The following PRKN variants were observed in gnomAD, a reference collection of about 807,000 sequenced individuals.
PRKN encodes E3 ubiquitin-protein ligase parkin.
Under a neutral mutation model 59.5 loss-of-function variants are expected in PRKN, and 56 were observed. The ratio of observed to expected loss-of-function variants is 0.94; its 90% confidence interval spans 0.76 to 1.18. PRKN has a LOEUF of 1.18. Ranked by LOEUF, PRKN falls within the 50% of genes most tolerant of loss-of-function variation. The pLI is 0.00. For synonymous variants in PRKN, 250 were observed against 222.1 expected (o/e 1.13, Z -1.12); for missense variants, 657 against 596.4 (o/e 1.10, Z -1.06).
chr6:162,497,223 T>G (rs969545448), intron 1 of PRKN, among the ~76,000 whole-genome samples: 4 of 152,206 alleles, frequency 2.6e-5, no homozygotes, highest in Admixed American at 1.3e-4. Context: ...TTCACTATAC[T>G]GTCACTGCTT....
chr6:161,925,471 T>C (rs1778934889), intron 6 of PRKN, among the ~76,000 whole-genome samples: 1 of 152,014 alleles, frequency 6.6e-6, no homozygotes, highest in South Asian at 2.1e-4. Flanking sequence ...CTCAGGAGGC[T>C]GAGGTAAGAG....
Position 161,579,780 on chromosome 6 carries a change from A to G in PRKN, c.872-10364T>C, listed in dbSNP as rs1781267361. On this transcript the variant is annotated intron_variant, in intron 7 of 11. Coordinates refer to ENST00000366898, the MANE Select transcript of PRKN (RefSeq NM_004562.3). The surrounding 1 kb of genome is among the most constrained non-coding windows in gnomAD (Gnocchi z 4.2). ...AACAGAAAAGAGTTTATAGTTTTAC[A>G]AGTACTTAATGGTATTTTTTGTTTT... Among the ~76,000 whole-genome samples, 1 of 152,220 alleles carries G rather than the reference A, an allele frequency of 6.6e-6. No individual in the cohort carries two copies. The highest frequency in any genetic ancestry group is 2.4e-5 in the African/African-American group (1 of 41,468).
At chr6:162,688,302 T>A (rs1303367961) in intron 1 of PRKN, among the ~76,000 whole-genome samples, 1 of 152,224 alleles carries the variant, frequency 6.6e-6, no homozygotes, top group Non-Finnish European at 1.5e-5. Flanking sequence ...AGGATATTGA[T>A]GGGAGGGTGC....
At chr6:162,277,541 T>A (rs1314426699) in intron 2 of PRKN, among the ~76,000 whole-genome samples, 1 of 152,016 alleles carries the variant, frequency 6.6e-6, no homozygotes, top group Non-Finnish European at 1.5e-5. Context: ...ACTAAACTTT[T>A]GGTCAGAATA....
intron 4 of PRKN, among the ~76,000 whole-genome samples, chr6:162,119,595 A>G (rs1413763151): frequency 2.0e-5 from 3 of 152,132 alleles, no homozygotes; most frequent in Admixed American, 6.5e-5. Context: ...CAAGTTCCCC[A>G]GCAGTGGCGC....
intron 3 of PRKN, among the ~76,000 whole-genome samples, chr6:162,231,645 C>T (rs1458081360): frequency 2.0e-5 from 3 of 152,138 alleles, no homozygotes; most frequent in African/African-American, 7.2e-5. Flanking sequence ...ATACACATAG[C>T]ACGGTCCTAG....
intron 1 of PRKN, among the ~76,000 whole-genome samples, chr6:162,475,455 A>G (rs1350322514): frequency 1.3e-5 from 2 of 149,206 alleles, no homozygotes; most frequent in African/African-American, 4.9e-5. Context: ...AGGAACAAAT[A>G]AACAGCAGAC....
chr6:161,461,365 T>G lies in PRKN; in HGVS notation c.1084-74488A>C, dbSNP rs1356485196. Reference sequence around the variant, plus strand: ...AGGCCAGAGGGTCCAGAAAACAAAGTAGATGGTCTTAAGGAGCTGAGGTTT... The same window carrying G: ...AGGCCAGAGGGTCCAGAAAACAAAGGAGATGGTCTTAAGGAGCTGAGGTTT... On this transcript the variant is annotated intron_variant, in intron 9 of 11. Coordinates refer to ENST00000366898, the MANE Select transcript of PRKN (RefSeq NM_004562.3). The surrounding 1 kb of genome is among the most constrained non-coding windows in gnomAD (Gnocchi z 5.1). 6.6e-6 allele frequency among the ~76,000 whole-genome samples: 1 copy of G among 152,024 alleles called. No homozygotes were observed. Among genetic ancestry groups the G allele is most frequent in the Non-Finnish European group, 1.5e-5 (1 of 68,012 alleles).
At chr6:162,015,433 T>C (rs906670255) in intron 5 of PRKN, among the ~76,000 whole-genome samples, 2 of 152,168 alleles carry the variant, frequency 1.3e-5, no homozygotes, top group Non-Finnish European at 2.9e-5. Flanking sequence ...ATCCCAGCTT[T>C]CAGGCAGAAG....
intron 1 of PRKN, among the ~76,000 whole-genome samples, chr6:162,465,366 A>C (rs1174463476): frequency 6.6e-6 from 1 of 152,180 alleles, no homozygotes; most frequent in African/African-American, 2.4e-5. Context: ...ATAAACTTTC[A>C]GCTTTACCAA....
intron 4 of PRKN, among the ~76,000 whole-genome samples, chr6:162,177,138 A>G (rs778239025): frequency 1.3e-5 from 2 of 152,162 alleles, no homozygotes; most frequent in Non-Finnish European, 2.9e-5. Flanking sequence ...TCACACCAAA[A>G]TCTAGAAATA....
rs146388648 is a variant in PRKN, at chr6:161,444,657, C to T, written c.1084-57780G>A. Reference sequence around the variant, plus strand: ...TAATTCACTGTGCTCAGCCTGTCTGCGGGTAGCGAGGGCTCCTGAGTAACA... The same window carrying T: ...TAATTCACTGTGCTCAGCCTGTCTGTGGGTAGCGAGGGCTCCTGAGTAACA... On this transcript the variant is annotated intron_variant, in intron 9 of 11. Coordinates refer to ENST00000366898, the MANE Select transcript of PRKN (RefSeq NM_004562.3). This position sits in a 1 kb window ranked among gnomAD's most constrained non-coding sequence, Gnocchi z 5.6. Among the ~76,000 whole-genome samples, 1 of 152,316 alleles carries T rather than the reference C, an allele frequency of 6.6e-6. No homozygotes were observed. The highest frequency in any genetic ancestry group is 1.5e-5 in the Non-Finnish European group (1 of 68,034).
rs112853938 is a variant in PRKN, at chr6:161,461,637, C to T, written c.1084-74760G>A. On this transcript the variant is annotated intron_variant, in intron 9 of 11. Transcript: ENST00000366898. The surrounding 1 kb of genome is among the most constrained non-coding windows in gnomAD (Gnocchi z 5.1). ...GATAAAAGGGTCTGGAATACATGCACGGAGGATTCTAAGTGCCACTCATTG... is the reference window on the plus strand; with the variant it reads ...GATAAAAGGGTCTGGAATACATGCATGGAGGATTCTAAGTGCCACTCATTG... Among the ~76,000 whole-genome samples the T allele has an allele frequency of 3.5e-4, 53 of 152,102 alleles. No individual in the cohort carries two copies. The highest frequency in any genetic ancestry group is 1.2e-3 in the African/African-American group (51 of 41,500).
At chr6:162,528,085 T>G (rs960435572) in intron 1 of PRKN, among the ~76,000 whole-genome samples, 228 of 56,394 alleles carry the variant, frequency 4.0e-3, no homozygotes, top group South Asian at 8.2e-3. Flanking sequence ...GCGGGAGGGG[T>G]GCGGGGCGGC....
intron 3 of PRKN, among the ~76,000 whole-genome samples, chr6:162,226,408 G>A (rs1207190370): frequency 1.3e-5 from 2 of 152,144 alleles, no homozygotes; most frequent in African/African-American, 4.8e-5. Flanking sequence ...AATGGGAAAG[G>A]CCCACAACAA....
chr6:161,973,473 C>T, intron 5 of PRKN, 56 bp from the exon 6 acceptor site: 4 of 934,264 alleles, frequency 4.3e-6, no homozygotes, highest in Non-Finnish European at 7.0e-6. Context: ...CATTTTTCCT[C>T]TAAATGTTTC....
At chr6:162,623,171 T>C (rs897777598) in intron 1 of PRKN, among the ~76,000 whole-genome samples, 1 of 152,242 alleles carries the variant, frequency 6.6e-6, no homozygotes, top group African/African-American at 2.4e-5. Context: ...TGCCTCATGC[T>C]GATAACAGAA....
At chr6:162,399,143 T>G (rs1787634525) in intron 2 of PRKN, among the ~76,000 whole-genome samples, 1 of 152,156 alleles carries the variant, frequency 6.6e-6, no homozygotes. Context: ...TTCATCTTGT[T>G]GGTGAAACTC....
At chr6:162,229,923 C>A (rs1339977176) in intron 3 of PRKN, among the ~76,000 whole-genome samples, 1 of 152,170 alleles carries the variant, frequency 6.6e-6, no homozygotes, top group Non-Finnish European at 1.5e-5. Context: ...ATAAGGTCAG[C>A]TCCATGAGGC....
Sources: gnomAD v4.1 joint callset for allele counts (sites outside exome capture counted in the v4.1 genomes callset) on GRCh38, gnomAD v4.1.1 for gene constraint, Gnocchi (gnomAD v3.1) non-coding constraint, MANE v1.5 for transcripts, NCBI Gene and HGNC (gene_info 2026-07-23, HGNC 2026-07-21) for gene names.